The following IARS1 variants were observed in gnomAD, a reference collection of about 807,000 sequenced individuals.
The protein encoded by IARS1 is isoleucyl-tRNA synthetase 1.
In IARS1, 124 loss-of-function variants were observed where a neutral mutation model predicts 168.2. That is an observed-to-expected ratio of 0.74 (90% CI 0.64 to 0.86). IARS1 has a LOEUF of 0.86. Ranked by LOEUF, IARS1 falls within the 40% of genes least tolerant of loss-of-function variation. The probability of loss-of-function intolerance (pLI) is 0.00; values close to 1 mark genes in which losing one functional copy is unlikely to be tolerated. For synonymous variants in IARS1, 532 were observed against 529.4 expected, an observed-to-expected ratio of 1.00 and a Z score of -0.07; for missense variants, 1,452 against 1,515.8, an observed-to-expected ratio of 0.96 and a Z score of 0.70.
At chr9:92,285,461 AAAAATATGGTC>A (rs1835291835) in intron 6 of IARS1, among the ~76,000 whole-genome samples, 2 of 152,214 alleles carry the variant, frequency 1.3e-5, no homozygotes, top group Non-Finnish European at 2.9e-5. Context: ...AGAGAGGCAC[AAAAATATGGTC>A]AAAACAAGCA....
chr9:92,293,186 T>C (rs1002961297), intron 1 of IARS1, among the ~76,000 whole-genome samples: 3 of 152,230 alleles, frequency 2.0e-5, no homozygotes, highest in Middle Eastern at 3.2e-3. Context: ...GGTATACTCA[T>C]GCAAATGTAC....
chr9:92,244,920 T>A, intron 27 of IARS1, 39 bp downstream of exon 27: 1 of 1,517,636 alleles, frequency 6.6e-7, no homozygotes, highest in South Asian at 1.1e-5. Flanking sequence ...TATGCTCTCA[T>A]CTCTTGGTAA....
In IARS1 at chr9:92,222,506, C is replaced by T. The variant is rs199903443; in HGVS notation, c.3706+14G>A. ...CAACAAAAATAAAAAACTTACGGTC[C>T]ACAATCTCCTTACCCTGCGTTTGGG... On this transcript the variant is annotated intron_variant, in intron 33 of 33. Transcript: ENST00000443024. 1.1e-5 allele frequency: 17 copies of T among 1,607,004 alleles called. No homozygotes were observed. The African/African-American group carries it at 1.6e-4, about 15-fold the overall frequency.
intron 10 of IARS1, among the ~76,000 whole-genome samples, chr9:92,274,083 G>C (rs1202814168): frequency 6.6e-6 from 1 of 152,132 alleles, no homozygotes; most frequent in East Asian, 1.9e-4. Context: ...GTTTTGAGGG[G>C]AGAGGTCAGA....
rs756026763 is a variant in IARS1, at chr9:92,274,520, C to G, written c.896G>C (p.Cys299Ser). ...YRPLFDYFLK[C>S]KENGAFTVLV... ...CACAGTGAAAGCGCCATTCTCTTTA[C>G]ACTGGAAAGAAAGGACAGCAGGCTT... Residue 299 changes from cysteine (C) to serine (S), a missense_variant and splice_region_variant, in exon 10 of 34, where the codon TGT (cysteine) becomes TCT (serine). By Grantham distance (112) the Cys-to-Ser change is moderately radical. Coordinates refer to ENST00000443024, the MANE Select transcript of IARS1 (RefSeq NM_002161.6). 6.2e-7 allele frequency: 1 copy of G among 1,611,336 alleles called. No homozygotes were observed. Among genetic ancestry groups the G allele is most frequent in the Non-Finnish European group, 8.5e-7 (1 of 1,177,588 alleles).
At chr9:92,261,644 C>G (rs1203999328) in intron 17 of IARS1, among the ~76,000 whole-genome samples, 1 of 152,144 alleles carries the variant, frequency 6.6e-6, no homozygotes, top group Non-Finnish European at 1.5e-5. Context: ...GTGATATATA[C>G]TGTAGTTTTG....
intron 22 of IARS1, 68 bp downstream of exon 22, chr9:92,251,740 C>A: frequency 9.7e-7 from 1 of 1,035,054 alleles, no homozygotes; most frequent in Non-Finnish European, 1.5e-6. Context: ...ATGGAGGATG[C>A]TGCAGCAAGT....
In IARS1 at chr9:92,269,947, G is replaced by A; in HGVS notation, c.1242C>T (p.Ser414=). 6.2e-7 allele frequency: 1 copy of A among 1,613,712 alleles called. No individual in the cohort carries two copies. The highest frequency in any genetic ancestry group is 8.5e-7 in the Non-Finnish European group (1 of 1,179,674). The change falls in exon 13 of 34, where the codon AGC becomes AGT. Residue 414 remains serine (S), a synonymous_variant. Coordinates refer to ENST00000443024, the MANE Select transcript of IARS1 (RefSeq NM_002161.6). ...DTPLIYKAVP[S]WFVRVENMVD... The stretch of plus-strand genomic sequence containing the variant: ...CCATGTTCTCCACTCGCACAAACCA[G>A]CTGGGCACTGCTTTGTAAATTAGAG...
At chr9:92,251,633 G>A (rs1022377370) in intron 22 of IARS1, among the ~76,000 whole-genome samples, 175 bp downstream of exon 22, 14 of 152,172 alleles carry the variant, frequency 9.2e-5, no homozygotes, top group African/African-American at 3.4e-4. Context: ...TACTTAACAT[G>A]TATAAGCTAA....
At chr9:92,272,331 T>C (rs1283295588) in intron 10 of IARS1, among the ~76,000 whole-genome samples, 4 of 152,222 alleles carry the variant, frequency 2.6e-5, no homozygotes, top group Non-Finnish European at 5.9e-5. Flanking sequence ...GGCTGACTGG[T>C]GTGGTGTCAT....
intron 12 of IARS1, 108 bp from the exon 13 acceptor site, chr9:92,270,091 TCTG>T: frequency 1.6e-6 from 1 of 634,978 alleles, no homozygotes; most frequent in Non-Finnish European, 2.9e-6. Flanking sequence ...TACTTGGCCT[TCTG>T]CTAATATTCA....
intron 31 of IARS1, among the ~76,000 whole-genome samples, 197 bp downstream of exon 31, chr9:92,228,804 G>A (rs1238467423): frequency 6.6e-6 from 1 of 151,870 alleles, no homozygotes; most frequent in Non-Finnish European, 1.5e-5. Context: ...GATCCATTAA[G>A]CCCAGGGTTT....
chr9:92,222,238 C>T (rs1026521484), intron 33 of IARS1, among the ~76,000 whole-genome samples: 22 of 148,512 alleles, frequency 1.5e-4, no homozygotes, highest in Non-Finnish European at 3.1e-4. Flanking sequence ...AATCCTTGTT[C>T]CTGGGTTGAA....
intron 21 of IARS1, among the ~76,000 whole-genome samples, chr9:92,252,848 C>T (rs1471592690): frequency 7.0e-6 from 1 of 142,102 alleles, no homozygotes; most frequent in Non-Finnish European, 1.5e-5. Context: ...AGTAAAGAGA[C>T]CTCGCTCTCT....
At chr9:92,222,490 TAA>T (rs747737413) in intron 33 of IARS1, 28 bp downstream of exon 33, 1 of 1,600,582 alleles carries the variant, frequency 6.2e-7, no homozygotes, top group African/African-American at 1.4e-5. Context: ...TCAACAAAAA[TAA>T]AAAACTTACG....
intron 18 of IARS1, 135 bp from the exon 19 acceptor site, chr9:92,259,133 A>G (rs1831166207): frequency 1.3e-6 from 1 of 759,986 alleles, no homozygotes; most frequent in African/African-American, 1.8e-5. Context: ...ATACTCTTTG[A>G]GTGGTCAATT....
rs1484546041 is a variant in IARS1 at position 92,271,518 on chromosome 9, A to G, written c.1113+15T>C. The G allele has an allele frequency of 6.2e-7, 1 of 1,613,808 alleles. No individual in the cohort carries two copies. ...GAAGTAACAGTCACCCTTCTATGCT[A>G]TATGGATTACAGACCTTCACATACT... On this transcript the variant is annotated intron_variant, in intron 11 of 33. Transcript: ENST00000443024.
chr9:92,215,874 C>T (rs1221223482), intron 33 of IARS1, among the ~76,000 whole-genome samples: 2 of 152,042 alleles, frequency 1.3e-5, no homozygotes, highest in African/African-American at 4.8e-5. Flanking sequence ...GAGAACTTCC[C>T]CTATCTAGCG....
In IARS1 at chr9:92,286,565, A is replaced by G; in HGVS notation, c.450T>C (p.Thr150=). 1 of 1,596,958 alleles carries G rather than the reference A, an allele frequency of 6.3e-7. No homozygotes were observed. Among genetic ancestry groups the G allele is most frequent in the Non-Finnish European group, 8.6e-7 (1 of 1,164,996 alleles). Residue 150 remains threonine (T), a synonymous_variant, in exon 5 of 34, where the codon ACT becomes ACC. Transcript: ENST00000443024. The part of the protein sequence containing the change: ...RWIDFDNDYK[T]LYPQFMESVW... ...CTGATTCCATGAATTGTGGATACAG[A>G]GTTTTATAGTCATTGTCAAAGTCAA... is the stretch of plus-strand genomic sequence containing the variant.
Sources: gnomAD v4.1 joint callset for allele counts (sites outside exome capture counted in the v4.1 genomes callset) on GRCh38, gnomAD v4.1.1 for gene constraint, MANE v1.5 for transcripts, NCBI Gene and HGNC (gene_info 2026-07-23, HGNC 2026-07-21) for gene names.